Variants in VPS53 observed in about 807,000 individuals in gnomAD.
VPS53 encodes vacuolar protein sorting-associated protein 53 homolog.
In VPS53, 70 loss-of-function variants were observed where a neutral mutation model predicts 107.0. The ratio of observed to expected loss-of-function variants is 0.65; its 90% confidence interval spans 0.54 to 0.80. The LOEUF is 0.80. VPS53 is among the 30% of genes least tolerant of loss of function. VPS53 has a pLI of 0.00. For missense variants in VPS53, 917 were observed against 1,049.4 expected (o/e 0.87, Z 1.74); for synonymous variants, 409 against 393.3 (o/e 1.04, Z -0.47).
chr17:588,573 C>A (rs1009653126), intron 12 of VPS53, among the ~76,000 whole-genome samples: 1 of 152,206 alleles, frequency 6.6e-6, no homozygotes, highest in Non-Finnish European at 1.5e-5. Context: ...CAATCTTGTA[C>A]TTAACCCTCT....
chr17:697,078 A>C (rs976097960), intron 4 of VPS53, among the ~76,000 whole-genome samples: 1 of 152,210 alleles, frequency 6.6e-6, no homozygotes, highest in Non-Finnish European at 1.5e-5. Flanking sequence ...AAAATATCAA[A>C]ACCCCAACAA....
At position 520,965 on chromosome 17, in the gene VPS53, C is replaced by T. The variant is rs754177592; in HGVS notation, c.2223+636G>A. 9.2e-5 allele frequency among the ~76,000 whole-genome samples: 14 copies of T among 152,024 alleles called. No individual in the cohort carries two copies. Among genetic ancestry groups the T allele is most frequent in the Non-Finnish European group, 1.8e-4 (12 of 68,036 alleles). On this transcript the variant is annotated intron_variant, in intron 20 of 21. Transcript: ENST00000437048. The surrounding 1 kb of genome is among the most constrained non-coding windows in gnomAD (Gnocchi z 4.4). ...CCCTGCTGCCACTTCCTACTCCTGCCGTCCCTGAGTCATCTGGTTTAGGAA... is the reference window on the plus strand; with the variant it reads ...CCCTGCTGCCACTTCCTACTCCTGCTGTCCCTGAGTCATCTGGTTTAGGAA...
intron 19 of VPS53, 111 bp downstream of exon 19, chr17:532,731 C>T: frequency 6.6e-7 from 1 of 1,515,046 alleles, no homozygotes; most frequent in East Asian, 2.4e-5. Flanking sequence ...TGTCCCCAAA[C>T]AGGGGACATC....
At chr17:598,618 G>C (rs973070176) in intron 12 of VPS53, among the ~76,000 whole-genome samples, 2 of 144,554 alleles carry the variant, frequency 1.4e-5, no homozygotes, top group Admixed American at 6.9e-5. Context: ...CTGCCGCCCC[G>C]TCTGGGATGT....
At chr17:707,749 G>A (rs1973468921) in intron 2 of VPS53, among the ~76,000 whole-genome samples, 1 of 151,502 alleles carries the variant, frequency 6.6e-6, no homozygotes, top group African/African-American at 2.4e-5. Context: ...CTACTCAGAA[G>A]GCCGATGTAG....
chr17:642,290 C>T (rs1483130560), intron 7 of VPS53, among the ~76,000 whole-genome samples: 1 of 152,200 alleles, frequency 6.6e-6, no homozygotes, highest in Non-Finnish European at 1.5e-5. Flanking sequence ...AACACTCATA[C>T]TTGGCAACCG....
intron 7 of VPS53, among the ~76,000 whole-genome samples, chr17:636,650 C>A (rs1047434050): frequency 1.3e-5 from 2 of 152,156 alleles, no homozygotes; most frequent in African/African-American, 4.8e-5. Context: ...TTGTCAAAGG[C>A]CTTTTCTGCA....
intron 11 of VPS53, among the ~76,000 whole-genome samples, chr17:602,928 G>T (rs939699499): frequency 1.3e-5 from 2 of 152,176 alleles, no homozygotes; most frequent in African/African-American, 4.8e-5. Context: ...GGGGACGAGG[G>T]AAGGGGGCAA....
chr17:614,834 C>T (rs935812667), intron 11 of VPS53, among the ~76,000 whole-genome samples: 1 of 152,108 alleles, frequency 6.6e-6, no homozygotes, highest in Non-Finnish European at 1.5e-5. Flanking sequence ...AAGTAAAGGC[C>T]CCTATAAGCC....
intron 4 of VPS53, among the ~76,000 whole-genome samples, chr17:678,054 G>A (rs1389340413): frequency 6.6e-6 from 1 of 152,058 alleles, no homozygotes; most frequent in Non-Finnish European, 1.5e-5. Flanking sequence ...CTGGGAGGTC[G>A]AGGCTGCAGT....
At chr17:613,471 T>C (rs1044520031) in intron 11 of VPS53, among the ~76,000 whole-genome samples, 2 of 151,650 alleles carry the variant, frequency 1.3e-5, no homozygotes, top group Non-Finnish European at 2.9e-5. Context: ...TGAAAACCTG[T>C]ACAAATATTC....
intron 17 of VPS53, among the ~76,000 whole-genome samples, chr17:544,139 C>T (rs1320618939): frequency 1.3e-5 from 2 of 151,996 alleles, no homozygotes. Context: ...GTTGGCTGTT[C>T]AACACATCTT....
intron 17 of VPS53, among the ~76,000 whole-genome samples, chr17:541,423 T>C (rs559705539): frequency 4.1e-5 from 6 of 147,936 alleles, no homozygotes; most frequent in Admixed American, 2.0e-4. Context: ...GGAATGTTTA[T>C]CAAGCACCTA....
intron 16 of VPS53, 38 bp downstream of exon 16, chr17:553,342 A>G (rs375699359): frequency 1.2e-6 from 2 of 1,601,980 alleles, no homozygotes; most frequent in South Asian, 1.1e-5. Context: ...GTAGTGGAGA[A>G]AGGGCAGGCA....
intron 13 of VPS53, among the ~76,000 whole-genome samples, chr17:571,987 T>A (rs1358832601): frequency 6.6e-6 from 1 of 151,294 alleles, no homozygotes; most frequent in Admixed American, 6.6e-5. Flanking sequence ...GTGAGGAGCG[T>A]CTCTGCCTGG....
intron 7 of VPS53, among the ~76,000 whole-genome samples, chr17:640,421 C>T (rs971466808): frequency 5.3e-5 from 8 of 152,104 alleles, no homozygotes; most frequent in Non-Finnish European, 8.8e-5. Context: ...ACCCACTGTC[C>T]GACAAGCCCC....
chr17:558,294 C>T (rs761952351), intron 15 of VPS53, among the ~76,000 whole-genome samples: 6 of 151,878 alleles, frequency 4.0e-5, no homozygotes, highest in Admixed American at 6.6e-5. Flanking sequence ...AGTGAAACCC[C>T]GTCTCTACTA....
intron 12 of VPS53, among the ~76,000 whole-genome samples, chr17:593,129 C>G (rs921597917): frequency 7.2e-5 from 11 of 152,064 alleles, no homozygotes; most frequent in Non-Finnish European, 1.2e-4. Flanking sequence ...AAACTGGATC[C>G]CTTCCTTACA....
rs1326032944 is a variant in VPS53, at chr17:662,877, G to GGAAGGAAGGAAC, written c.286-983_286-982insGTTCCTTCCTTC. Among the ~76,000 whole-genome samples the GGAAGGAAGGAAC allele has an allele frequency of 2.1e-4, 29 of 141,304 alleles. No individual in the cohort carries two copies. The East Asian group carries it at 2.1e-3, about 10-fold the overall frequency. 92.7% of individuals were successfully genotyped at this position (141,304 alleles called of 152,430 possible). On this transcript the variant is annotated intron_variant, in intron 4 of 21. Transcript: ENST00000437048. ...AGGAAGGAAGGAAGGAAGGAACGAA[G>GGAAGGAAGGAAC]GAAGGAAGGAAGGAAGGCAGGCAGG...
Sources: allele counts gnomAD v4.1 joint callset (sites outside exome capture counted in the v4.1 genomes callset), GRCh38; gene constraint gnomAD v4.1.1; non-coding constraint Gnocchi (gnomAD v3.1); transcripts MANE v1.5; gene names NCBI Gene and HGNC (gene_info 2026-07-23, HGNC 2026-07-21).